Variants in PTPRD observed in about 807,000 individuals in gnomAD.
PTPRD encodes protein tyrosine phosphatase receptor type D.
In PTPRD, 34 loss-of-function variants were observed where a neutral mutation model predicts 214.5. The observed-to-expected ratio is 0.16, with a 90% CI of 0.12 to 0.21. PTPRD has a LOEUF of 0.21. Among genes scored for constraint, PTPRD ranks in the 10% least tolerant of loss-of-function variants. The probability of loss-of-function intolerance (pLI) is 1.00; values close to 1 mark genes in which losing one functional copy is unlikely to be tolerated. For missense variants in PTPRD, 2,545 were observed against 2,398.7 expected (o/e 1.06, Z -1.27); for synonymous variants, 1,128 against 845.7 (o/e 1.33, Z -5.79).
chr9:9,039,592 G>A (rs73430139), intron 10 of PTPRD, among the ~76,000 whole-genome samples: 7,017 of 152,176 alleles, frequency 0.046, 535 homozygotes, highest in African/African-American at 0.16. Flanking sequence ...ATCAGACACA[G>A]TTGTAATAGA....
intron 9 of PTPRD, among the ~76,000 whole-genome samples, chr9:9,245,627 G>C (rs1002568929): frequency 1.3e-5 from 2 of 152,050 alleles, no homozygotes; most frequent in Non-Finnish European, 2.9e-5. Flanking sequence ...TGTGGGGTGG[G>C]GGGATGGGGG....
At chr9:9,784,964 G>C (rs1176001906) in intron 5 of PTPRD, among the ~76,000 whole-genome samples, 1 of 151,100 alleles carries the variant, frequency 6.6e-6, no homozygotes, top group Non-Finnish European at 1.5e-5. Flanking sequence ...TATGTACAGG[G>C]TTTGGGTGAA....
At chr9:10,589,726 T>G (rs2074939859) in intron 2 of PTPRD, among the ~76,000 whole-genome samples, 1 of 151,934 alleles carries the variant, frequency 6.6e-6, no homozygotes, top group Non-Finnish European at 1.5e-5. Context: ...ATATCAGATA[T>G]TCATAGAAGT....
At chr9:10,400,012 TTC>T (rs2098242645) in intron 2 of PTPRD, among the ~76,000 whole-genome samples, 1 of 151,854 alleles carries the variant, frequency 6.6e-6, no homozygotes, top group Non-Finnish European at 1.5e-5. Flanking sequence ...TCAGAAATAC[TTC>T]TCTCTCAAAA....
intron 3 of PTPRD, among the ~76,000 whole-genome samples, chr9:10,218,519 T>G (rs973328991): frequency 4.6e-5 from 7 of 151,880 alleles, no homozygotes; most frequent in African/African-American, 1.7e-4. Context: ...TCAACATAAA[T>G]GTCACGTTCT....
intron 11 of PTPRD, among the ~76,000 whole-genome samples, chr9:8,956,498 C>T (rs571412238): frequency 6.6e-6 from 1 of 151,548 alleles, no homozygotes; most frequent in Non-Finnish European, 1.5e-5. Flanking sequence ...AATGAACAAT[C>T]CTTTGAGTGA....
At chr9:9,025,829 GA>G (rs1184479783) in intron 10 of PTPRD, among the ~76,000 whole-genome samples, 1 of 151,866 alleles carries the variant, frequency 6.6e-6, no homozygotes, top group Non-Finnish European at 1.5e-5. Context: ...TGCGTGATTA[GA>G]AAAAAATGTA....
chr9:10,052,180 C>T (rs2097547057), intron 3 of PTPRD, among the ~76,000 whole-genome samples: 1 of 152,082 alleles, frequency 6.6e-6, no homozygotes, highest in Non-Finnish European at 1.5e-5. Flanking sequence ...TTATTATTTA[C>T]ATTGTAATCT....
At chr9:9,666,320 T>C (rs112910376) in intron 7 of PTPRD, among the ~76,000 whole-genome samples, 12 of 152,114 alleles carry the variant, frequency 7.9e-5, no homozygotes, top group African/African-American at 2.4e-4. Flanking sequence ...AAGATGTCTA[T>C]GATATATTGT....
chr9:10,558,876 C>T (rs2063210529), intron 2 of PTPRD, among the ~76,000 whole-genome samples: 1 of 152,138 alleles, frequency 6.6e-6, no homozygotes, highest in African/African-American at 2.4e-5. Flanking sequence ...AAAAACAACA[C>T]AGTCTTGGAA....
chr9:8,411,909 T>C (rs2093565295), intron 35 of PTPRD, among the ~76,000 whole-genome samples: 1 of 152,226 alleles, frequency 6.6e-6, no homozygotes, highest in African/African-American at 2.4e-5. Flanking sequence ...ATTCACAGAT[T>C]AGAATTTCTG....
chr9:8,357,957 A>G (rs919210638), intron 39 of PTPRD, among the ~76,000 whole-genome samples: 3 of 152,178 alleles, frequency 2.0e-5, no homozygotes, highest in Non-Finnish European at 2.9e-5. Flanking sequence ...AACAAAGGAA[A>G]CCAATACTTC....
intron 9 of PTPRD, among the ~76,000 whole-genome samples, chr9:9,268,792 C>G (rs1941397334): frequency 6.9e-6 from 1 of 144,828 alleles, no homozygotes; most frequent in Non-Finnish European, 1.5e-5. Flanking sequence ...GCCAGGAAAA[C>G]TTGATATCCA....
At chr9:9,793,676 T>C (rs1016999133) in intron 5 of PTPRD, among the ~76,000 whole-genome samples, 1 of 152,052 alleles carries the variant, frequency 6.6e-6, no homozygotes, top group African/African-American at 2.4e-5. Flanking sequence ...TTTCAAAGGT[T>C]TCAAATTCAG....
At chr9:8,644,873 G>T (rs2096654193) in intron 12 of PTPRD, among the ~76,000 whole-genome samples, 1 of 152,194 alleles carries the variant, frequency 6.6e-6, no homozygotes, top group African/African-American at 2.4e-5. Context: ...GGTAGTGTGA[G>T]CTGAGTGCAG....
intron 2 of PTPRD, among the ~76,000 whole-genome samples, chr9:10,345,931 C>G (rs1184438991): frequency 4.6e-5 from 7 of 152,106 alleles, no homozygotes; most frequent in Admixed American, 4.6e-4. Context: ...TCTGTTGTTT[C>G]CTGACTTTTT....
At chr9:8,714,851 T>C (rs566475220) in intron 12 of PTPRD, among the ~76,000 whole-genome samples, 2 of 152,288 alleles carry the variant, frequency 1.3e-5, no homozygotes, top group Non-Finnish European at 2.9e-5. Flanking sequence ...CATAATATAC[T>C]TTCCTATTTA....
chr9:8,774,819 C>T (rs983308659), intron 11 of PTPRD, among the ~76,000 whole-genome samples: 5 of 152,138 alleles, frequency 3.3e-5, no homozygotes, highest in South Asian at 2.1e-4. Context: ...CAGGCATGAG[C>T]CACTGCGCCC....
At chr9:9,904,843 C>A (rs544441979) in intron 5 of PTPRD, among the ~76,000 whole-genome samples, 1 of 151,938 alleles carries the variant, frequency 6.6e-6, no homozygotes, top group South Asian at 2.1e-4. Flanking sequence ...TCAGAGAAAT[C>A]GTAGGTGGGC....
Sources: allele counts gnomAD v4.1 joint callset (sites outside exome capture counted in the v4.1 genomes callset), GRCh38; gene constraint gnomAD v4.1.1; transcripts MANE v1.5; gene names NCBI Gene and HGNC (gene_info 2026-07-23, HGNC 2026-07-21).